Variants in NR5A2 observed in about 807,000 individuals in gnomAD.
The protein encoded by NR5A2 is CYP7A promoter-binding factor.
Under a neutral mutation model 62.7 loss-of-function variants are expected in NR5A2, and 26 were observed. The ratio of observed to expected loss-of-function variants is 0.41; its 90% CI spans 0.30 to 0.58. The LOEUF is 0.58. Among genes scored for constraint, NR5A2 ranks in the 20% least tolerant of loss-of-function variants. The pLI is 0.22. For synonymous variants in NR5A2, 246 were observed against 241.7 expected (o/e 1.02, Z -0.16); for missense variants, 541 against 669.1 (o/e 0.81, Z 2.11).
At chr1:200,040,887 G>A (rs921232407) in intron 2 of NR5A2, among the ~76,000 whole-genome samples, 1 of 152,240 alleles carries the variant, frequency 6.6e-6, no homozygotes, top group African/African-American at 2.4e-5. Flanking sequence ...CGCCGTGCGG[G>A]TTGTGATCCG....
In NR5A2 at chr1:200,048,732, T is replaced by C. The variant is rs1662496363; in HGVS notation, c.1024T>C (p.Phe342Leu). 1 of 1,614,076 alleles carries C rather than the reference T, an allele frequency of 6.2e-7. No individual in the cohort carries two copies. Among genetic ancestry groups the C allele is most frequent in the African/African-American group, 1.3e-5 (1 of 74,914 alleles). ...NRSKHEKLST[F>L]GLMCKMADQT... ...AAGCAAGCACGAAAAGCTGAGCACCTTTGGGCTTATGTGCAAAATGGCAGA... is the reference window on the plus strand; with the variant it reads ...AAGCAAGCACGAAAAGCTGAGCACCCTTGGGCTTATGTGCAAAATGGCAGA... The change falls in exon 5 of 8, where the codon TTT becomes CTT. Residue 342 changes from phenylalanine (F) to leucine (L), a missense_variant. Physicochemically the swap from Phe to Leu is conservative, Grantham distance 22. Transcript: ENST00000367362. The surrounding 1 kb of genome is among the most constrained non-coding windows in gnomAD (Gnocchi z 4.8).
At chr1:200,120,429 T>G (rs1469163326) in intron 6 of NR5A2, among the ~76,000 whole-genome samples, 1 of 152,202 alleles carries the variant, frequency 6.6e-6, no homozygotes, top group East Asian at 1.9e-4. Flanking sequence ...CTTGAAAAAT[T>G]TAGGTAGCCA....
intron 7 of NR5A2, among the ~76,000 whole-genome samples, chr1:200,138,642 A>G (rs989663942): frequency 1.4e-4 from 21 of 151,974 alleles, no homozygotes; most frequent in Admixed American, 1.3e-3. Flanking sequence ...TCTTAAGGGT[A>G]GTCAGTTTTT....
intron 7 of NR5A2, among the ~76,000 whole-genome samples, chr1:200,142,988 T>G (rs1667512230): frequency 1.3e-5 from 2 of 152,330 alleles, no homozygotes; most frequent in South Asian, 2.1e-4. Context: ...TTTTGCTGAC[T>G]TTTTCCTTAG....
At chr1:200,131,578 T>C (rs1030624427) in intron 7 of NR5A2, among the ~76,000 whole-genome samples, 2 of 152,220 alleles carry the variant, frequency 1.3e-5, no homozygotes, top group African/African-American at 4.8e-5. Flanking sequence ...CCATGTGCTC[T>C]TGGTTGATGT....
rs1172714024 is a variant in NR5A2, at chr1:200,048,807, A to G, written c.1099A>G (p.Arg367Gly). Residue 367 changes from arginine (R) to glycine (G), a missense_variant, in exon 5 of 8, where the codon AGA (arginine) becomes GGA (glycine). Physicochemically the swap from Arg to Gly is moderately radical, Grantham distance 125. Transcript: ENST00000367362. This position sits in a 1 kb window ranked among gnomAD's most constrained non-coding sequence, Gnocchi z 4.8. ...VEWARSSIFF[R>G]ELKVDDQMKL... ...GTGGGCCAGGAGTAGTATCTTCTTCAGAGAACTTAAGGTATGCCACCAGCT... is the reference window on the plus strand; with the variant it reads ...GTGGGCCAGGAGTAGTATCTTCTTCGGAGAACTTAAGGTATGCCACCAGCT... 10 of 1,613,772 alleles carry G rather than the reference A, an allele frequency of 6.2e-6. No homozygotes were observed. The highest frequency in any genetic ancestry group is 7.6e-6 in the Non-Finnish European group (9 of 1,179,738).
rs559042973 is a variant in NR5A2, at chr1:200,151,928, T to C, written c.1379-22035T>C. ...CCCTAAGAACTGTGTGAATACAGAG[T>C]AATATTACCAGGGTCTTAATCAGAT... On this transcript the variant is annotated intron_variant, in intron 7 of 7. Coordinates refer to ENST00000367362, the MANE Select transcript of NR5A2 (RefSeq NM_205860.3). Among the ~76,000 whole-genome samples, 3 of 152,238 alleles carry C rather than the reference T, an allele frequency of 2.0e-5. No individual in the cohort carries two copies. In the East Asian group the frequency reaches 5.8e-4, roughly 29 times the overall value.
rs1489325936 is a variant in NR5A2 at position 200,175,155 on chromosome 1, A to T, written c.*945A>T. The stretch of plus-strand genomic sequence containing the variant: ...CATCCAAGTTTGTAGTTCATTTAAA[A>T]ATACAACATTAAACACATTTTGCTA... On this transcript the variant is annotated 3_prime_UTR_variant, in exon 8 of 8. Transcript: ENST00000367362. The T allele has an allele frequency of 6.5e-6, 1 of 152,694 alleles. No individual in the cohort carries two copies. Among genetic ancestry groups the T allele is most frequent in the Non-Finnish European group, 1.5e-5 (1 of 68,048 alleles). The allele number at this position is 152,694 out of a possible 1,614,324, so 9.5% of individuals were successfully genotyped here. A position where few individuals can be genotyped will look rare whatever the true frequency, so the allele number is the denominator to read the frequency against.
intron 1 of NR5A2, chr1:200,038,803 C>T (rs753332633): frequency 2.3e-6 from 3 of 1,295,468 alleles, no homozygotes; most frequent in Non-Finnish European, 3.0e-6. Context: ...CATCCCCCCG[C>T]CCCGGGCCAG....
chr1:200,031,623 A>G (rs1331944870), intron 1 of NR5A2, among the ~76,000 whole-genome samples: 2 of 140,322 alleles, frequency 1.4e-5, no homozygotes, highest in East Asian at 2.0e-4. Context: ...TTGTTGCCCA[A>G]GCTGGAGTGC....
intron 5 of NR5A2, among the ~76,000 whole-genome samples, chr1:200,072,465 C>T (rs1371531567): frequency 1.3e-5 from 2 of 152,016 alleles, no homozygotes; most frequent in African/African-American, 4.8e-5. Context: ...ATCAAAACAC[C>T]CGAAGGCCAA....
intron 2 of NR5A2, among the ~76,000 whole-genome samples, chr1:200,041,212 C>T (rs1571701042): frequency 3.3e-5 from 5 of 151,242 alleles, no homozygotes; most frequent in African/African-American, 1.2e-4. Flanking sequence ...GCGCGAGAAG[C>T]CAAAGACTTA....
intron 7 of NR5A2, among the ~76,000 whole-genome samples, chr1:200,132,482 C>T (rs906273236): frequency 6.6e-6 from 1 of 152,188 alleles, no homozygotes; most frequent in Non-Finnish European, 1.5e-5. Context: ...CTTTCTGTTC[C>T]TTGTTTTCAC....
At chr1:200,084,884 T>G (rs1664453426) in intron 5 of NR5A2, among the ~76,000 whole-genome samples, 1 of 152,200 alleles carries the variant, frequency 6.6e-6, no homozygotes, top group African/African-American at 2.4e-5. Flanking sequence ...TTCCAGCCAC[T>G]AAATAATGCT....
At chr1:200,139,646 C>T (rs1232958906) in intron 7 of NR5A2, among the ~76,000 whole-genome samples, 1 of 152,132 alleles carries the variant, frequency 6.6e-6, no homozygotes, top group Non-Finnish European at 1.5e-5. Flanking sequence ...CGATTTTATT[C>T]ATCTAATTTT....
At chr1:200,043,168 C>G (rs1483255724) in intron 2 of NR5A2, among the ~76,000 whole-genome samples, 1 of 152,220 alleles carries the variant, frequency 6.6e-6, no homozygotes, top group Admixed American at 6.5e-5. Flanking sequence ...TAGAAAAGTA[C>G]TGTCAATACG....
At chr1:200,132,955 G>A (rs1421218928) in intron 7 of NR5A2, among the ~76,000 whole-genome samples, 10 of 152,146 alleles carry the variant, frequency 6.6e-5, no homozygotes, top group Non-Finnish European at 1.3e-4. Context: ...ATACAAACAC[G>A]TCTTATTTCT....
At chr1:200,062,262 T>C (rs958677593) in intron 5 of NR5A2, among the ~76,000 whole-genome samples, 1 of 152,134 alleles carries the variant, frequency 6.6e-6, no homozygotes. Context: ...TGTGTGTATC[T>C]GTGTCCATGT....
chr1:200,162,171 T>C (rs1653673159), intron 7 of NR5A2, among the ~76,000 whole-genome samples: 1 of 152,204 alleles, frequency 6.6e-6, no homozygotes, highest in Non-Finnish European at 1.5e-5. Flanking sequence ...AAGGTTATAA[T>C]TAACAAGAGA....
Sources: allele counts gnomAD v4.1 joint callset (sites outside exome capture counted in the v4.1 genomes callset), GRCh38; gene constraint gnomAD v4.1.1; non-coding constraint Gnocchi (gnomAD v3.1); transcripts MANE v1.5; gene names NCBI Gene and HGNC (gene_info 2026-07-23, HGNC 2026-07-21).